TSPAN11: variants seen among roughly 807,000 people sequenced by gnomAD.
The protein encoded by TSPAN11 is tetraspanin 11.
A neutral mutation model predicts 32.9 loss-of-function variants in TSPAN11; 29 were observed. That is an observed-to-expected ratio of 0.88 (90% CI 0.66 to 1.20). The LOEUF (loss-of-function observed/expected upper bound fraction) is 1.20. TSPAN11 is among the 50% of genes most tolerant of loss of function. The pLI is 0.00. For synonymous variants in TSPAN11, 140 were observed against 141.3 expected, an observed-to-expected ratio of 0.99 and a Z score of 0.07; for missense variants, 283 against 329.1, an observed-to-expected ratio of 0.86 and a Z score of 1.08.
chr12:30,945,246 C>G (rs552536307), intron 1 of TSPAN11, among the ~76,000 whole-genome samples: 19 of 152,216 alleles, frequency 1.2e-4, no homozygotes, highest in African/African-American at 3.9e-4. Flanking sequence ...ATTATCAACA[C>G]AGGCCAGCAT....
intron 2 of TSPAN11, among the ~76,000 whole-genome samples, chr12:30,962,165 T>C (rs1337984008): frequency 6.6e-6 from 1 of 151,956 alleles, no homozygotes. Context: ...CATCACGGAA[T>C]TGAAGAAATC....
intron 1 of TSPAN11, among the ~76,000 whole-genome samples, chr12:30,950,468 G>A (rs1371492827): frequency 6.6e-6 from 1 of 152,166 alleles, no homozygotes; most frequent in African/African-American, 2.4e-5. Flanking sequence ...ACCACTGCAC[G>A]GCATTGTCTC....
intron 3 of TSPAN11, among the ~76,000 whole-genome samples, chr12:30,964,470 A>T (rs1414614167): frequency 2.8e-5 from 4 of 142,524 alleles, no homozygotes; most frequent in African/African-American, 7.9e-5. Context: ...AGGTTTTTTT[A>T]TGGCAATTTT....
At chr12:30,965,065 G>T (rs1340989658) in intron 3 of TSPAN11, among the ~76,000 whole-genome samples, 4 of 152,188 alleles carry the variant, frequency 2.6e-5, no homozygotes, top group African/African-American at 4.8e-5. Flanking sequence ...CACATCCCAG[G>T]TCTGACCAAC....
At chr12:31,012,283 A>G in the TSPAN11 span, among the ~76,000 whole-genome samples, 1 of 152,214 alleles carries the variant, frequency 6.6e-6, no homozygotes. Flanking sequence ...CTGGCGCCAG[A>G]GCAGCTCTCC....
At position 30,975,987 on chromosome 12, in the gene TSPAN11, G is replaced by A. The variant is rs574371200; in HGVS notation, c.277-2574G>A. Among the ~76,000 whole-genome samples the A allele has an allele frequency of 6.6e-6, 1 of 152,314 alleles. No homozygotes were observed. Among genetic ancestry groups the A allele is most frequent in the Non-Finnish European group, 1.5e-5 (1 of 68,010 alleles). ...GGGAAGTTTGGAGCAGGCAGGAAGG[G>A]CACGCATGTCAGAAAGGAGCCGCAG... On this transcript the variant is annotated intron_variant, in intron 3 of 7. Transcript: ENST00000546076. The surrounding 1 kb of genome is among the most constrained non-coding windows in gnomAD (Gnocchi z 4.5).
At position 30,978,372 on chromosome 12, in the gene TSPAN11, A is replaced by G; in HGVS notation, c.277-189A>G. ...ACATGCCGTACTGAATTGTCAGCAG[A>G]CCAAAGAGGGAAGGAGTAAGTGGGG... On this transcript the variant is annotated intron_variant, in intron 3 of 7. Transcript: ENST00000546076. The G allele has an allele frequency of 4.8e-6, 3 of 620,342 alleles. No homozygotes were observed. The South Asian group carries it at 5.7e-5, about 12-fold the overall frequency. 38.4% of individuals were successfully genotyped at this position (620,342 alleles called of 1,614,324 possible). A position where few individuals can be genotyped will look rare whatever the true frequency, so the allele number is the denominator to read the frequency against.
chr12:30,931,042 T>C (rs1190379599), intron 1 of TSPAN11, among the ~76,000 whole-genome samples: 1 of 152,180 alleles, frequency 6.6e-6, no homozygotes, highest in African/African-American at 2.4e-5. Context: ...GCTCTGGTGG[T>C]CCCCTGGTCT....
chr12:30,937,787 G>A (rs939137716), intron 1 of TSPAN11, among the ~76,000 whole-genome samples: 2 of 152,154 alleles, frequency 1.3e-5, no homozygotes, highest in African/African-American at 4.8e-5. Context: ...TCTCTAATAG[G>A]GGAGCACTGT....
At position 30,983,293 on chromosome 12, in the gene TSPAN11, T is replaced by C. The variant is rs1048946532; in HGVS notation, c.702+143T>C. 7.0e-5 allele frequency: 54 copies of C among 769,832 alleles called. No homozygotes were observed. The African/African-American group carries it at 9.0e-4, about 13-fold the overall frequency. The allele number at this position is 769,832 out of a possible 1,614,324, so 47.7% of individuals were successfully genotyped here. A position where few individuals can be genotyped will look rare whatever the true frequency, so the allele number is the denominator to read the frequency against. ...TACCCTGCTCTCTTCTTCTCTCCCCTTCCCTCTGCAACCAAGGCTGAATCC... is the reference window on the plus strand; with the variant it reads ...TACCCTGCTCTCTTCTTCTCTCCCCCTCCCTCTGCAACCAAGGCTGAATCC... On this transcript the variant is annotated intron_variant, in intron 7 of 7. Transcript: ENST00000546076.
At chr12:30,996,660 A>G (rs1939422849), downstream of TSPAN11, 1 of 152,152 alleles carries the variant, frequency 6.6e-6, no homozygotes, top group Admixed American at 6.5e-5. Flanking sequence ...AGTTCATTAA[A>G]TGTACCATGA....
chr12:30,935,764 C>T (rs886653110), intron 1 of TSPAN11, among the ~76,000 whole-genome samples: 1 of 152,196 alleles, frequency 6.6e-6, no homozygotes, highest in African/African-American at 2.4e-5. Context: ...GGCTTAGGGT[C>T]ACCGGCAGCC....
At chr12:30,944,202 A>G (rs897971425) in intron 1 of TSPAN11, among the ~76,000 whole-genome samples, 1 of 152,210 alleles carries the variant, frequency 6.6e-6, no homozygotes, top group African/African-American at 2.4e-5. Flanking sequence ...AGTCTAAATA[A>G]CAAAGGTAGT....
the TSPAN11 span, among the ~76,000 whole-genome samples, chr12:31,009,122 G>A: frequency 3.9e-4 from 59 of 151,400 alleles, no homozygotes; most frequent in Admixed American, 3.1e-3. Context: ...GAGCCTCCCC[G>A]CTCTTCAGCA....
At chr12:30,963,753 C>A in intron 2 of TSPAN11, 73 bp from the exon 3 acceptor site, 1 of 1,514,832 alleles carries the variant, frequency 6.6e-7, no homozygotes, top group Non-Finnish European at 8.9e-7. Flanking sequence ...GCCTGGCACC[C>A]TGTGGGCACT....
intron 1 of TSPAN11, among the ~76,000 whole-genome samples, chr12:30,941,770 A>G (rs1370009386): frequency 2.0e-5 from 3 of 152,156 alleles, no homozygotes; most frequent in Non-Finnish European, 2.9e-5. Flanking sequence ...CCCATGGGGC[A>G]CCCCAGCTGC....
the TSPAN11 span, among the ~76,000 whole-genome samples, chr12:31,006,620 G>C: frequency 6.6e-6 from 1 of 152,206 alleles, no homozygotes; most frequent in Non-Finnish European, 1.5e-5. Flanking sequence ...TTTTGCAGGA[G>C]GGAGAAGGTG....
intron 1 of TSPAN11, among the ~76,000 whole-genome samples, chr12:30,928,032 T>C (rs1314902208): frequency 6.6e-6 from 1 of 152,136 alleles, no homozygotes; most frequent in Non-Finnish European, 1.5e-5. Flanking sequence ...CAGAGCTGTT[T>C]GGTTTGTGGG....
intron 2 of TSPAN11, 93 bp from the exon 3 acceptor site, chr12:30,963,733 C>G: frequency 7.2e-7 from 1 of 1,393,278 alleles, no homozygotes; most frequent in South Asian, 1.3e-5. Flanking sequence ...TGAGCCAGTG[C>G]AAGAGAAGTG....
Sources: gnomAD v4.1 joint callset for allele counts (sites outside exome capture counted in the v4.1 genomes callset) on GRCh38, gnomAD v4.1.1 for gene constraint, Gnocchi (gnomAD v3.1) non-coding constraint, MANE v1.5 for transcripts, NCBI Gene and HGNC (gene_info 2026-07-23, HGNC 2026-07-21) for gene names.